Variants in PCNX1 observed in about 807,000 individuals in gnomAD.
PCNX1 encodes the protein pecanex-like protein 1.
A neutral mutation model predicts 242.2 loss-of-function variants in PCNX1; 78 were observed. The observed-to-expected ratio is 0.32, with a 90% CI of 0.27 to 0.39. PCNX1 has a LOEUF of 0.39. PCNX1 is among the 10% of genes least tolerant of loss of function. PCNX1 has a pLI of 1.00. For synonymous variants in PCNX1, 1,024 were observed against 1,032.9 expected (o/e 0.99, Z 0.17); for missense variants, 2,581 against 2,856.5 (o/e 0.90, Z 2.20).
chr14:70,998,608 T>C (rs2059418368), intron 8 of PCNX1, among the ~76,000 whole-genome samples: 1 of 151,620 alleles, frequency 6.6e-6, no homozygotes, highest in African/African-American at 2.4e-5. Context: ...AAAAATAGCC[T>C]GGCATGGTGG....
At chr14:70,992,167 TAATACA>T (rs1266081996) in intron 7 of PCNX1, among the ~76,000 whole-genome samples, 1 of 152,102 alleles carries the variant, frequency 6.6e-6, no homozygotes, top group Non-Finnish European at 1.5e-5. Flanking sequence ...AAAATATTTA[TAATACA>T]AATATTAAGA....
At chr14:71,015,916 A>C (rs1363111997) in intron 11 of PCNX1, among the ~76,000 whole-genome samples, 1 of 152,002 alleles carries the variant, frequency 6.6e-6, no homozygotes, top group Non-Finnish European at 1.5e-5. Flanking sequence ...AACAGAAGAC[A>C]GTGTGGTGGC....
chr14:70,968,288 A>G (rs759516860), intron 4 of PCNX1, 45 bp downstream of exon 4: 1 of 1,397,748 alleles, frequency 7.2e-7, no homozygotes, highest in Non-Finnish European at 1.0e-6. Context: ...TTTCCCTTTC[A>G]TTTTGGTTGT....
intron 1 of PCNX1, among the ~76,000 whole-genome samples, chr14:70,923,791 T>G (rs2056472586): frequency 6.6e-6 from 1 of 152,222 alleles, no homozygotes; most frequent in African/African-American, 2.4e-5. Context: ...CTGACAGATT[T>G]TTTTTTTAAC....
intron 14 of PCNX1, 64 bp downstream of exon 14, chr14:71,026,352 A>G (rs2060243335): frequency 2.1e-6 from 2 of 961,106 alleles, no homozygotes; most frequent in African/African-American, 1.7e-5. Flanking sequence ...CATTTTACTG[A>G]TAAATATATC....
chr14:70,912,305 G>T (rs1276357520), intron 1 of PCNX1, among the ~76,000 whole-genome samples: 4 of 152,114 alleles, frequency 2.6e-5, no homozygotes, highest in Non-Finnish European at 4.4e-5. Context: ...GACTCCTCCA[G>T]TTGACATCAG....
rs1018312089 is a variant in PCNX1 at position 71,103,639 on chromosome 14, T to G, written c.6065T>G (p.Ile2022Ser). The G allele has an allele frequency of 1.2e-6, 2 of 1,613,988 alleles. No homozygotes were observed. Among genetic ancestry groups the G allele is most frequent in the African/African-American group, 1.3e-5 (1 of 74,910 alleles). The change falls in exon 32 of 36, where the codon ATC (isoleucine) becomes AGC (serine). Residue 2022 changes from isoleucine (I) to serine (S), a missense_variant. Ile to Ser is a moderately radical substitution (Grantham distance 142). Coordinates refer to ENST00000304743, the MANE Select transcript of PCNX1 (RefSeq NM_014982.3). ...ILGGPISLGN[I>S]RNFIVSTWHR... Reference sequence around the variant, plus strand: ...GGGGGTCCTATCAGCTTGGGAAATATCAGGAACTTCATAGTGTCAACCTGG... The same window carrying G: ...GGGGGTCCTATCAGCTTGGGAAATAGCAGGAACTTCATAGTGTCAACCTGG...
chr14:71,109,390 A>T (rs2062707741), intron 34 of PCNX1, 62 bp from the exon 35 acceptor site: 7 of 1,429,248 alleles, frequency 4.9e-6, no homozygotes, highest in Non-Finnish European at 6.8e-6. Flanking sequence ...TTTGTTTGAG[A>T]TTACATAATT....
At chr14:70,935,817 C>T (rs546499142) in intron 1 of PCNX1, among the ~76,000 whole-genome samples, 3 of 152,208 alleles carry the variant, frequency 2.0e-5, no homozygotes, top group Admixed American at 1.3e-4. Context: ...TAAGAAACCT[C>T]GCTTAATATT....
intron 23 of PCNX1, 95 bp from the exon 24 acceptor site, chr14:71,051,788 G>T: frequency 1.7e-6 from 2 of 1,169,942 alleles, no homozygotes; most frequent in Non-Finnish European, 2.4e-6. Context: ...TTCTCTAATT[G>T]AGGTAATCTA....
rs111624210 is a variant in PCNX1, at chr14:71,095,882, A to G, written c.5590-6108A>G. ...CCAGCTTTTTGTTCATTTTCTTAAG[A>G]ATATGATTATTGGCCAGGCGTAGTA... On this transcript the variant is annotated intron_variant, in intron 30 of 35. Transcript: ENST00000304743. 8.0e-3 allele frequency among the ~76,000 whole-genome samples: 1,215 copies of G among 152,314 alleles called. 10 individuals are homozygous for G. Among genetic ancestry groups the G allele is most frequent in the Middle Eastern group, 0.024 (7 of 294 alleles).
intron 12 of PCNX1, among the ~76,000 whole-genome samples, chr14:71,020,435 C>T (rs2060070342): frequency 6.6e-6 from 1 of 152,224 alleles, no homozygotes; most frequent in African/African-American, 2.4e-5. Flanking sequence ...CACATCCTCT[C>T]CAGCATCTGT....
rs866429547 is a variant in PCNX1 at position 71,112,461 on chromosome 14, T to G, written c.*2526T>G. ...GTTGTTTTTCTTAAGAGTCTAAAAC[T>G]GACAATCTTTTAAAAATCATAATAC... On this transcript the variant is annotated 3_prime_UTR_variant, in exon 36 of 36. Coordinates refer to ENST00000304743, the MANE Select transcript of PCNX1 (RefSeq NM_014982.3). 19 of 152,238 alleles carry G rather than the reference T, an allele frequency of 1.2e-4. No homozygotes were observed. Among genetic ancestry groups the G allele is most frequent in the Middle Eastern group, 6.8e-3 (2 of 294 alleles). The allele number at this position is 152,238 out of a possible 1,614,324, so 9.4% of individuals were successfully genotyped here.
chr14:71,055,449 T>G (rs760337831), intron 24 of PCNX1, 55 bp from the exon 25 acceptor site: 16 of 1,025,956 alleles, frequency 1.6e-5, no homozygotes, highest in Non-Finnish European at 2.4e-5. Flanking sequence ...CAGTCTAAAT[T>G]GTTAAATATT....
At chr14:71,054,652 A>G (rs2061131344) in intron 24 of PCNX1, among the ~76,000 whole-genome samples, 1 of 152,180 alleles carries the variant, frequency 6.6e-6, no homozygotes, top group Non-Finnish European at 1.5e-5. Context: ...TGTTCCAAGA[A>G]AAAAACGCAG....
At chr14:70,963,812 T>A (rs2058294465) in intron 3 of PCNX1, among the ~76,000 whole-genome samples, 1 of 152,218 alleles carries the variant, frequency 6.6e-6, no homozygotes, top group Non-Finnish European at 1.5e-5. Flanking sequence ...TAAAACAAGT[T>A]AGTATTCTAG....
intron 25 of PCNX1, among the ~76,000 whole-genome samples, chr14:71,056,230 C>T (rs1367462291): frequency 6.6e-6 from 1 of 152,198 alleles, no homozygotes; most frequent in African/African-American, 2.4e-5. Context: ...ATTTGACTTA[C>T]AAATTCCTTC....
At chr14:71,074,487 A>G (rs1411125628) in intron 27 of PCNX1, among the ~76,000 whole-genome samples, 2 of 152,216 alleles carry the variant, frequency 1.3e-5, no homozygotes, top group Non-Finnish European at 2.9e-5. Context: ...TACATAGGAT[A>G]TTGTCCAGAG....
At chr14:70,971,740 AAGG>A (rs1334873531) in intron 5 of PCNX1, among the ~76,000 whole-genome samples, 1 of 152,176 alleles carries the variant, frequency 6.6e-6, no homozygotes, top group Non-Finnish European at 1.5e-5. Context: ...AGACCTGAAG[AAGG>A]AGGAGTGAGC....
Sources: gnomAD v4.1 joint callset for allele counts (sites outside exome capture counted in the v4.1 genomes callset) on GRCh38, gnomAD v4.1.1 for gene constraint, MANE v1.5 for transcripts, NCBI Gene and HGNC (gene_info 2026-07-23, HGNC 2026-07-21) for gene names.